The following AMPH variants were observed in gnomAD, a reference collection of about 807,000 sequenced individuals.
AMPH encodes the protein amphiphysin (Stiff-Mann syndrome with breast cancer 128kD autoantigen).
A neutral mutation model predicts 99.1 loss-of-function variants in AMPH; 49 were observed. The ratio of observed to expected loss-of-function variants is 0.49; its 90% CI spans 0.39 to 0.63. The LOEUF (loss-of-function observed/expected upper bound fraction) is 0.63. AMPH is among the 20% of genes least tolerant of loss of function. The pLI is 0.00. For synonymous variants in AMPH, 314 were observed against 317.3 expected (o/e 0.99, Z 0.11); for missense variants, 759 against 863.4 (o/e 0.88, Z 1.52).
intron 11 of AMPH, among the ~76,000 whole-genome samples, chr7:38,451,782 T>C (rs1236215207): frequency 1.3e-5 from 2 of 152,022 alleles, no homozygotes; most frequent in African/African-American, 4.8e-5. Flanking sequence ...TTTAAAAGAA[T>C]AATGTAGGGA....
chr7:38,502,578 G>A (rs1016204013), intron 3 of AMPH, among the ~76,000 whole-genome samples: 3 of 152,188 alleles, frequency 2.0e-5, no homozygotes, highest in Non-Finnish European at 4.4e-5. Flanking sequence ...TTGTTAGGTA[G>A]AGGATGCTAA....
At chr7:38,524,370 A>C (rs572707066) in intron 2 of AMPH, among the ~76,000 whole-genome samples, 3 of 152,176 alleles carry the variant, frequency 2.0e-5, no homozygotes, top group Non-Finnish European at 4.4e-5. Flanking sequence ...CCTTTAAAAA[A>C]CACAATTAGG....
At position 38,407,070 on chromosome 7, in the gene AMPH, A is replaced by G. The variant is rs1354482445; in HGVS notation, c.1398+10755T>C. The stretch of plus-strand genomic sequence containing the variant: ...TCTCTATATATATATATATATATAT[A>G]TATATATGTGTGTGTGTGTGTGTGT... On this transcript the variant is annotated intron_variant, in intron 17 of 20. Transcript: ENST00000356264. Among the ~76,000 whole-genome samples the G allele has an allele frequency of 9.9e-5, 3 of 30,254 alleles. 1 individual carries two copies. The highest frequency in any genetic ancestry group is 2.0e-4 in the Non-Finnish European group (3 of 15,168). The allele number at this position is 30,254 out of a possible 152,430, so 19.8% of individuals were successfully genotyped here.
chr7:38,385,361 T>C (rs1278339468), intron 20 of AMPH, among the ~76,000 whole-genome samples: 6 of 152,190 alleles, frequency 3.9e-5, no homozygotes, highest in Non-Finnish European at 8.8e-5. Context: ...GGTTTGAGGT[T>C]GCTTGGGTTA....
chr7:38,587,038 CAT>C (rs1491020798), intron 1 of AMPH, among the ~76,000 whole-genome samples: 1,814 of 130,378 alleles, frequency 0.014, 29 homozygotes, highest in African/African-American at 0.048. Context: ...CACACACACA[CAT>C]AAAATCCACA....
chr7:38,419,774 TCTA>T (rs1458679086), intron 16 of AMPH, among the ~76,000 whole-genome samples: 26 of 151,896 alleles, frequency 1.7e-4, no homozygotes, highest in Admixed American at 1.7e-3. Flanking sequence ...GCAAACTGAG[TCTA>T]CTCTATGGAA....
At chr7:38,492,666 A>T (rs1788767689) in intron 4 of AMPH, among the ~76,000 whole-genome samples, 1 of 152,106 alleles carries the variant, frequency 6.6e-6, no homozygotes, top group African/African-American at 2.4e-5. Context: ...CTTCATCATC[A>T]CAAGAGCCTA....
At chr7:38,455,054 G>A (rs13222261) in intron 11 of AMPH, among the ~76,000 whole-genome samples, 4,541 of 152,042 alleles carry the variant, frequency 0.03, 98 homozygotes, top group South Asian at 0.1. Context: ...ATGTCAGAGT[G>A]GTATGATTTA....
rs1224378126 is a variant in AMPH at position 38,402,025 on chromosome 7, G to C, written c.1399-7811C>G. Reference sequence around the variant, plus strand: ...TGTGTTGGGAGAACTCCTCCAGCTTGTCCTCATATCACTAAATCGATTCTC... The same window carrying C: ...TGTGTTGGGAGAACTCCTCCAGCTTCTCCTCATATCACTAAATCGATTCTC... On this transcript the variant is annotated intron_variant, in intron 17 of 20. Coordinates refer to ENST00000356264, the MANE Select transcript of AMPH (RefSeq NM_001635.4). 2.0e-5 allele frequency among the ~76,000 whole-genome samples: 3 copies of C among 152,080 alleles called. No individual in the cohort carries two copies. In the East Asian group the frequency reaches 5.8e-4, roughly 29 times the overall value.
chr7:38,582,653 T>C (rs1792509036), intron 1 of AMPH, among the ~76,000 whole-genome samples: 1 of 152,200 alleles, frequency 6.6e-6, no homozygotes, highest in African/African-American at 2.4e-5. Flanking sequence ...CTACAATTCT[T>C]TGGAGGTGTT....
intron 1 of AMPH, among the ~76,000 whole-genome samples, chr7:38,616,620 A>G (rs28504175): frequency 0.08 from 12,202 of 152,242 alleles, 807 homozygotes; most frequent in African/African-American, 0.17. Context: ...GGGTAAATAA[A>G]TTGTGGGATA....
chr7:38,388,993 T>G lies in AMPH; in HGVS notation c.1980+811A>C, dbSNP rs79450540. 3.8e-3 allele frequency among the ~76,000 whole-genome samples: 582 copies of G among 152,318 alleles called. 4 individuals are homozygous for G. Among genetic ancestry groups the G allele is most frequent in the Middle Eastern group, 6.8e-3 (2 of 294 alleles). Reference sequence around the variant, plus strand: ...TCTATTTTATTGTGGTAGAGACTGCTTGACCCAACACCTGATGTATCTTGG... The same window carrying G: ...TCTATTTTATTGTGGTAGAGACTGCGTGACCCAACACCTGATGTATCTTGG... On this transcript the variant is annotated intron_variant, in intron 20 of 20. Coordinates refer to ENST00000356264, the MANE Select transcript of AMPH (RefSeq NM_001635.4).
intron 1 of AMPH, among the ~76,000 whole-genome samples, chr7:38,539,553 G>A (rs1244413670): frequency 6.6e-6 from 1 of 152,168 alleles, no homozygotes; most frequent in Non-Finnish European, 1.5e-5. Flanking sequence ...GAAACATGAA[G>A]GATTTCTGAG....
At chr7:38,587,950 G>GCA (rs1491416356) in intron 1 of AMPH, among the ~76,000 whole-genome samples, 2 of 139,522 alleles carry the variant, frequency 1.4e-5, no homozygotes, top group African/African-American at 5.9e-5. Flanking sequence ...GTGTGTGTGT[G>GCA]CGCGTGTGTG....
At chr7:38,503,231 T>C (rs900035078) in intron 3 of AMPH, among the ~76,000 whole-genome samples, 5 of 152,344 alleles carry the variant, frequency 3.3e-5, no homozygotes, top group African/African-American at 1.2e-4. Context: ...GCTGATCATC[T>C]TCCACCTACC....
At chr7:38,621,264 A>T (rs1450330088) in intron 1 of AMPH, among the ~76,000 whole-genome samples, 1 of 152,244 alleles carries the variant, frequency 6.6e-6, no homozygotes, top group Non-Finnish European at 1.5e-5. Context: ...TTTATCATAC[A>T]TAAGTTAAAA....
chr7:38,436,208 G>T (rs964389102), intron 12 of AMPH, 64 bp downstream of exon 12: 6 of 1,194,912 alleles, frequency 5.0e-6, no homozygotes, highest in Non-Finnish European at 7.5e-6. Context: ...GGGATCATTG[G>T]TTACCACACT....
chr7:38,488,051 T>C (rs1050298770), intron 5 of AMPH, among the ~76,000 whole-genome samples: 19 of 152,132 alleles, frequency 1.2e-4, no homozygotes, highest in Non-Finnish European at 2.4e-4. Flanking sequence ...TGTGGAGAAA[T>C]AGGAACGCTT....
chr7:38,628,261 T>C lies in AMPH; in HGVS notation c.69+3022A>G, dbSNP rs182245885. ...TTTATCCAATGACATAGCTAAACAT[T>C]GTTTTAAATTTTATTATCCAGAGTT... On this transcript the variant is annotated intron_variant, in intron 1 of 20. Coordinates refer to ENST00000356264, the MANE Select transcript of AMPH (RefSeq NM_001635.4). 2.6e-5 allele frequency among the ~76,000 whole-genome samples: 4 copies of C among 152,350 alleles called. No individual in the cohort carries two copies. In the East Asian group the frequency reaches 5.8e-4, roughly 22 times the overall value.
Sources: allele counts gnomAD v4.1 joint callset (sites outside exome capture counted in the v4.1 genomes callset), GRCh38; gene constraint gnomAD v4.1.1; transcripts MANE v1.5; gene names NCBI Gene and HGNC (gene_info 2026-07-23, HGNC 2026-07-21).